The following FANCC variants were observed in gnomAD, a reference collection of about 807,000 sequenced individuals.
The protein encoded by FANCC is Fanconi anemia group C protein.
Under a neutral mutation model 71.3 loss-of-function variants are expected in FANCC, and 55 were observed. The observed-to-expected ratio is 0.77, with a 90% CI of 0.62 to 0.97. The LOEUF (loss-of-function observed/expected upper bound fraction) is 0.97. Among genes scored for constraint, FANCC ranks in the 50% least tolerant of loss-of-function variants. FANCC has a pLI of 0.00. For missense variants in FANCC, 678 were observed against 670.9 expected, an observed-to-expected ratio of 1.01 and a Z score of -0.12; for synonymous variants, 275 against 244.9, an observed-to-expected ratio of 1.12 and a Z score of -1.15.
intron 9 of FANCC, 116 bp from the exon 10 acceptor site, chr9:95,125,301 G>A (rs941547050): frequency 5.2e-6 from 4 of 775,654 alleles, no homozygotes; most frequent in East Asian, 5.3e-5. Context: ...AGCTTCAGCA[G>A]TATCTCAACT....
At chr9:95,143,330 C>A (rs1422045116) in intron 7 of FANCC, among the ~76,000 whole-genome samples, 2 of 152,110 alleles carry the variant, frequency 1.3e-5, no homozygotes, top group African/African-American at 4.8e-5. Flanking sequence ...GGAGGTCTCA[C>A]AATGTAAGCA....
At chr9:95,124,969 T>C in intron 10 of FANCC, 117 bp downstream of exon 10, 1 of 882,008 alleles carries the variant, frequency 1.1e-6, no homozygotes, top group Non-Finnish European at 1.8e-6. Flanking sequence ...TAGGAACCTT[T>C]CTTTGTGAGC....
chr9:95,288,026 C>G (rs578135582), intron 1 of FANCC, among the ~76,000 whole-genome samples: 2 of 152,254 alleles, frequency 1.3e-5, no homozygotes, highest in African/African-American at 2.4e-5. Flanking sequence ...CCCAAGACCT[C>G]TGAAATTTTA....
intron 12 of FANCC, among the ~76,000 whole-genome samples, chr9:95,111,856 G>A (rs1317095599): frequency 6.6e-6 from 1 of 152,206 alleles, no homozygotes; most frequent in Non-Finnish European, 1.5e-5. Context: ...CCCCCGTGAG[G>A]CCTGAGGCCT....
chr9:95,104,245 A>G (rs920519531), intron 14 of FANCC, among the ~76,000 whole-genome samples: 6 of 152,212 alleles, frequency 3.9e-5, no homozygotes, highest in African/African-American at 1.4e-4. Context: ...ACGTGTCAAT[A>G]AAGATGGTTT....
chr9:95,194,426 G>A (rs888639630), intron 4 of FANCC, among the ~76,000 whole-genome samples: 1 of 152,178 alleles, frequency 6.6e-6, no homozygotes. Flanking sequence ...GAGAGCATTT[G>A]CCTTGGGTAC....
intron 5 of FANCC, 52 bp from the exon 6 acceptor site, chr9:95,171,195 TC>T: frequency 7.3e-7 from 1 of 1,371,010 alleles, no homozygotes; most frequent in South Asian, 1.2e-5. Context: ...CAGGATTACA[TC>T]AGTTCTATTT....
intron 1 of FANCC, among the ~76,000 whole-genome samples, chr9:95,253,958 C>T (rs1401362207): frequency 6.6e-6 from 1 of 152,240 alleles, no homozygotes; most frequent in Non-Finnish European, 1.5e-5. Context: ...CGCCACTGAT[C>T]TGACAGGGAG....
intron 13 of FANCC, chr9:95,110,300 G>A: frequency 9.9e-7 from 1 of 1,013,980 alleles, no homozygotes. Flanking sequence ...GACTGTGATG[G>A]AATTGAACAC....
rs2134456070 is a variant in FANCC, at chr9:95,107,216, G to A, written c.1383C>T (p.Ser461=). ...CCGTCTGCAGGTCCTGGGCTGAGAG[G>A]CTGCTGCTTCTGGACATTGCCAGGA... is the stretch of plus-strand genomic sequence containing the variant. ...GHLLAMSRSS[S]LSAQDLQTVA... The change falls in exon 14 of 15, where the codon AGC becomes AGT. Residue 461 remains serine (S), a synonymous_variant. Transcript: ENST00000289081. The A allele has an allele frequency of 1.2e-6, 2 of 1,614,190 alleles. No individual in the cohort carries two copies. Among genetic ancestry groups the A allele is most frequent in the Non-Finnish European group, 1.7e-6 (2 of 1,180,034 alleles).
At chr9:95,231,865 T>C (rs1371886601) in intron 4 of FANCC, among the ~76,000 whole-genome samples, 1 of 152,244 alleles carries the variant, frequency 6.6e-6, no homozygotes, top group Non-Finnish European at 1.5e-5. Flanking sequence ...CCTCCAATTA[T>C]TGGGTCTATG....
At chr9:95,311,393 G>T (rs1835395078) in intron 1 of FANCC, among the ~76,000 whole-genome samples, 1 of 151,930 alleles carries the variant, frequency 6.6e-6, no homozygotes, top group Admixed American at 6.6e-5. Flanking sequence ...AAAACAAAAT[G>T]ACAACAAAAA....
intron 1 of FANCC, among the ~76,000 whole-genome samples, chr9:95,301,833 T>C (rs1834750609): frequency 6.7e-6 from 1 of 148,948 alleles, no homozygotes; most frequent in South Asian, 2.2e-4. Flanking sequence ...ATCCCAGCAT[T>C]TTGGGAGGCC....
At chr9:95,307,389 GAACA>G (rs974315048) in intron 1 of FANCC, among the ~76,000 whole-genome samples, 3 of 151,970 alleles carry the variant, frequency 2.0e-5, no homozygotes, top group Admixed American at 1.3e-4. Flanking sequence ...AAAATCAACA[GAACA>G]AAAAGCTCTG....
At chr9:95,286,575 A>G (rs1304612843) in intron 1 of FANCC, among the ~76,000 whole-genome samples, 1 of 152,228 alleles carries the variant, frequency 6.6e-6, no homozygotes, top group African/African-American at 2.4e-5. Context: ...AGACTGGAAA[A>G]CACACAACTG....
intron 1 of FANCC, among the ~76,000 whole-genome samples, chr9:95,307,646 A>G (rs547287597): frequency 6.6e-6 from 1 of 152,374 alleles, no homozygotes; most frequent in Admixed American, 6.5e-5. Flanking sequence ...TCCACAACAG[A>G]TAAGTTAAAT....
intron 1 of FANCC, among the ~76,000 whole-genome samples, chr9:95,264,618 A>G (rs1349155171): frequency 6.6e-6 from 1 of 152,104 alleles, no homozygotes; most frequent in East Asian, 1.9e-4. Flanking sequence ...CTTTTTTCCC[A>G]TTTACCCTCA....
At chr9:95,275,019 C>T (rs1190214326) in intron 1 of FANCC, among the ~76,000 whole-genome samples, 1 of 151,010 alleles carries the variant, frequency 6.6e-6, no homozygotes, top group East Asian at 2.0e-4. Context: ...AATCCCAGCA[C>T]TTTGGGATTG....
intron 4 of FANCC, among the ~76,000 whole-genome samples, chr9:95,181,159 TTG>T (rs10692344): frequency 0.011 from 1,578 of 148,412 alleles, 12 homozygotes; most frequent in African/African-American, 0.015. Flanking sequence ...CACGTACACA[TTG>T]TGTGTGTGTG....
Sources: allele counts gnomAD v4.1 joint callset (sites outside exome capture counted in the v4.1 genomes callset), GRCh38; gene constraint gnomAD v4.1.1; transcripts MANE v1.5; gene names NCBI Gene and HGNC (gene_info 2026-07-23, HGNC 2026-07-21).